NCCRP1: variants seen among roughly 807,000 people sequenced by gnomAD.
The protein encoded by NCCRP1 is NCCRP1, F-box associated domain containing, also known as F-box only protein 50.
A neutral mutation model predicts 34.4 loss-of-function variants in NCCRP1; 32 were observed. That is an observed-to-expected ratio of 0.93 (90% CI 0.70 to 1.25). NCCRP1 has a LOEUF of 1.25. Among genes scored for constraint, NCCRP1 ranks in the 50% most tolerant of loss-of-function variants. NCCRP1 has a pLI of 0.00. For missense variants in NCCRP1, 372 were observed against 391.8 expected, an observed-to-expected ratio of 0.95 and a Z score of 0.43; for synonymous variants, 172 against 180.1, an observed-to-expected ratio of 0.95 and a Z score of 0.36.
chr19:39,198,698 A>G (rs1471542310), intron 3 of NCCRP1, among the ~76,000 whole-genome samples: 4 of 152,148 alleles, frequency 2.6e-5, no homozygotes, highest in African/African-American at 4.8e-5. Context: ...ACCTCAAGTG[A>G]TCTGCCTGCC....
chr19:39,197,228 G>T lies in NCCRP1; in HGVS notation c.246G>T (p.Gly82=). The T allele has an allele frequency of 6.8e-7, 1 of 1,461,900 alleles. No homozygotes were observed. The highest frequency in any genetic ancestry group is 1.4e-5 in the South Asian group (1 of 73,476). 90.6% of individuals were successfully genotyped at this position (1,461,900 alleles called of 1,614,324 possible). Reference sequence around the variant, plus strand: ...TGGAGGAGTGGGGGCCGCTGAGCGGGGGCCTGGAGCTGCCCCAGCGCCTCA... The same window carrying T: ...TGGAGGAGTGGGGGCCGCTGAGCGGTGGCCTGGAGCTGCCCCAGCGCCTCA... ...LLLEEWGPLS[G]GLELPQRLTW... is the part of the protein sequence containing the mutation. The change falls in exon 1 of 6, where the codon GGG becomes GGT. Residue 82 remains glycine, a synonymous_variant. Coordinates refer to ENST00000339852, the MANE Select transcript of NCCRP1 (RefSeq NM_001001414.2).
rs140484935 is a variant in NCCRP1 at position 39,200,359 on chromosome 19, C to T, written c.562C>T (p.Arg188Trp). 57 of 1,613,570 alleles carry T rather than the reference C, an allele frequency of 3.5e-5. 1 individual carries two copies. Among genetic ancestry groups the T allele is most frequent in the African/African-American group, 2.9e-4 (22 of 75,044 alleles). Residue 188 changes from arginine to tryptophan, a missense_variant, in exon 5 of 6, where the codon CGG becomes TGG. Physicochemically the swap from Arg to Trp is moderately radical, Grantham distance 101. Coordinates refer to ENST00000339852, the MANE Select transcript of NCCRP1 (RefSeq NM_001001414.2). This position sits in a 1 kb window ranked among gnomAD's most constrained non-coding sequence, Gnocchi z 5.8. ...CTCCGCCTGCAGGTTCGAGGACAGC[C>T]GGCTGGATGCGTGCGTCTATGAGCT... ...ITVMDWFEDS[R>W]LDACVYELHV...
intron 3 of NCCRP1, 34 bp downstream of exon 3, chr19:39,198,287 A>G: frequency 6.2e-7 from 1 of 1,609,180 alleles, no homozygotes; most frequent in Non-Finnish European, 8.5e-7. Flanking sequence ...CTTACACTCC[A>G]TTCCCTGCTC....
chr19:39,198,410 T>C (rs1423177634), intron 3 of NCCRP1, among the ~76,000 whole-genome samples, 157 bp downstream of exon 3: 3 of 152,162 alleles, frequency 2.0e-5, no homozygotes, highest in African/African-American at 4.8e-5. Context: ...ACACACAGCA[T>C]AGGGCCCGGC....
chr19:39,199,187 A>G lies in NCCRP1; in HGVS notation c.470A>G (p.Gln157Arg), dbSNP rs2074776099. ...TTTCACAGCTGGACAGTGAAGCAGC[A>G]GTGTGTGGACCTTCTGGCCGAGGGC... ...QQNQSWTVKQ[Q>R]CVDLLAEGLW... The change falls in exon 4 of 6, where the codon CAG becomes CGG. Residue 157 changes from glutamine to arginine, a missense_variant. By Grantham distance (43) the Gln-to-Arg change is conservative (BLOSUM62 1). Transcript: ENST00000339852. 2 of 1,614,038 alleles carry G rather than the reference A, an allele frequency of 1.2e-6. No homozygotes were observed. Among genetic ancestry groups the G allele is most frequent in the African/African-American group, 1.3e-5 (1 of 75,006 alleles).
chr19:39,199,070 G>T, intron 3 of NCCRP1, 100 bp from the exon 4 acceptor site: 2 of 1,124,546 alleles, frequency 1.8e-6, no homozygotes, highest in Admixed American at 3.5e-5. Context: ...CCCACGTGTG[G>T]GGACCCAAGC....
rs2074766646 is a variant in NCCRP1 at position 39,197,296 on chromosome 19, T to C, written c.314T>C (p.Leu105Pro). Residue 105 changes from leucine (L) to proline (P), a missense_variant, in exon 1 of 6, where the codon CTG (leucine) becomes CCG (proline). Physicochemically the swap from Leu to Pro is moderately conservative, Grantham distance 98. Coordinates refer to ENST00000339852, the MANE Select transcript of NCCRP1 (RefSeq NM_001001414.2). ...LLLRRPLYRN[L>P]LRSPNPEGIN... The stretch of plus-strand genomic sequence containing the variant: ...TTGCGGCGGCCGCTCTACCGCAACC[T>C]GCTGCGCTCGCCCAACCCCGAAGGT... 6.7e-7 allele frequency: 1 copy of C among 1,482,050 alleles called. No homozygotes were observed. 91.8% of individuals were successfully genotyped at this position (1,482,050 alleles called of 1,614,324 possible).
chr19:39,198,316 GACC>G, intron 3 of NCCRP1, 63 bp downstream of exon 3: 1 of 1,569,732 alleles, frequency 6.4e-7, no homozygotes, highest in Non-Finnish European at 8.8e-7. Context: ...CTCACTGTGA[GACC>G]TGGAGAAACT....
intron 2 of NCCRP1, 38 bp from the exon 3 acceptor site, chr19:39,198,164 C>T (rs377572992): frequency 2.2e-5 from 36 of 1,613,954 alleles, no homozygotes; most frequent in South Asian, 2.2e-4. Context: ...GGTCCTCCAG[C>T]GTTGGGGTGT....
At chr19:39,199,509 C>CTTT (rs150534648) in intron 4 of NCCRP1, among the ~76,000 whole-genome samples, 311 of 67,816 alleles carry the variant, frequency 4.6e-3, no homozygotes, top group South Asian at 5.2e-3. Flanking sequence ...TTTTTTCTTT[C>CTTT]TTTTTTTTTT....
intron 3 of NCCRP1, among the ~76,000 whole-genome samples, chr19:39,198,587 G>A (rs1488103816): frequency 6.6e-6 from 1 of 152,080 alleles, no homozygotes; most frequent in Non-Finnish European, 1.5e-5. Context: ...AGCCTCCTGA[G>A]TAGCTAGGAT....
chr19:39,199,246 GC>G lies in NCCRP1; in HGVS notation c.531del (p.Ile178LeufsTer87), dbSNP rs1420555816. 6.2e-7 allele frequency: 1 copy of G among 1,613,948 alleles called. No individual in the cohort carries two copies. Among genetic ancestry groups the G allele is most frequent in the Admixed American group, 1.7e-5 (1 of 59,994 alleles). ...GGAGCTGCTGGATGACGAACAACCA[GC>G]CATTACGGTCATGGACTGGTGCGTG... ...WEELLDDEQP[A>X]ITVMDWFEDS... is the part of the protein sequence containing the mutation. On this transcript the variant is annotated frameshift_variant, in exon 4 of 6. Transcript: ENST00000339852. LOFTEE classifies it high-confidence loss of function.
At position 39,197,355 on chromosome 19, in the gene NCCRP1, C is replaced by G. The variant is rs756659809; in HGVS notation, c.337+36C>G. The stretch of plus-strand genomic sequence containing the variant: ...GCCCAGAGCAGCCAGGAGGCACCAC[C>G]CTGACCGTCTGTCTCTTCCTCTTTC... On this transcript the variant is annotated intron_variant, in intron 1 of 5. Transcript: ENST00000339852. The G allele has an allele frequency of 3.6e-6, 5 of 1,384,354 alleles. No homozygotes were observed. The South Asian group carries it at 8.0e-5, about 22-fold the overall frequency. The allele number at this position is 1,384,354 out of a possible 1,614,324, so 85.8% of individuals were successfully genotyped here.
In NCCRP1 at chr19:39,200,656, T is replaced by TTA; in HGVS notation, c.730_731dup (p.His245SerfsTer21). 6.2e-7 allele frequency: 1 copy of TTA among 1,614,080 alleles called. No homozygotes were observed. The highest frequency in any genetic ancestry group is 8.5e-7 in the Non-Finnish European group (1 of 1,180,010). On this transcript the variant is annotated frameshift_variant, in exon 6 of 6. Coordinates refer to ENST00000339852, the MANE Select transcript of NCCRP1 (RefSeq NM_001001414.2). LOFTEE classifies it high-confidence loss of function. This position sits in a 1 kb window ranked among gnomAD's most constrained non-coding sequence, Gnocchi z 5.8. Reference sequence around the variant, plus strand: ...CGCCATTATGGTCCCGGTGTGCGCTTTATCCACTTCCTGCACAAGGCCAAG... The same window carrying TTA: ...CGCCATTATGGTCCCGGTGTGCGCTTTATATCCACTTCCTGCACAAGGCCAAG...
chr19:39,199,047 G>T, intron 3 of NCCRP1, 123 bp from the exon 4 acceptor site: 1 of 797,440 alleles, frequency 1.3e-6, no homozygotes. Flanking sequence ...AGTGGAAGGT[G>T]CTGAGGGAGC....
Position 39,198,253 on chromosome 19 carries a change from G to A in NCCRP1, c.452G>A (p.Ser151Asn). The change falls in exon 3 of 6, where the codon AGC becomes AAC. Residue 151 changes from serine to asparagine, a missense_variant and splice_region_variant. Transcript: ENST00000339852. Reference sequence around the variant, plus strand: ...ACTGAAAAGCTCCAGCAGAACCAAAGGTGAGTCGCCAGGGCCAGTGTGGCT... The same window carrying A: ...ACTGAAAAGCTCCAGCAGAACCAAAAGTGAGTCGCCAGGGCCAGTGTGGCT... Reference protein sequence around the residue: ...IRTEKLQQNQSWTVKQQCVDL... With the variant: ...IRTEKLQQNQNWTVKQQCVDL... 6.2e-7 allele frequency: 1 copy of A among 1,614,102 alleles called. No individual in the cohort carries two copies. Among genetic ancestry groups the A allele is most frequent in the Non-Finnish European group, 8.5e-7 (1 of 1,180,020 alleles).
rs200152362 is a variant in NCCRP1 at position 39,200,732 on chromosome 19, C to T, written c.804C>T (p.Ser268=). Residue 268 remains serine (S), a synonymous_variant, in exon 6 of 6, where the codon TCC becomes TCT. Coordinates refer to ENST00000339852, the MANE Select transcript of NCCRP1 (RefSeq NM_001001414.2). This position sits in a 1 kb window ranked among gnomAD's most constrained non-coding sequence, Gnocchi z 5.8. ...GGCGGACACGGGTGACCGACTCCTC[C>T]GTGTCTGTGCAGCTCCGGGAGTGAC... is the stretch of plus-strand genomic sequence containing the variant. ...GLRRTRVTDS[S]VSVQLRE The T allele has an allele frequency of 1.7e-5, 27 of 1,612,884 alleles. No individual in the cohort carries two copies. The highest frequency in any genetic ancestry group is 4.5e-5 in the East Asian group (2 of 44,878).
At position 39,200,339 on chromosome 19, in the gene NCCRP1, C is replaced by T; in HGVS notation, c.549-7C>T. On this transcript the variant is annotated splice_polypyrimidine_tract_variant and splice_region_variant and intron_variant, in intron 4 of 5. Coordinates refer to ENST00000339852, the MANE Select transcript of NCCRP1 (RefSeq NM_001001414.2). The surrounding 1 kb of genome is among the most constrained non-coding windows in gnomAD (Gnocchi z 5.8). ...GTGACAGCTGAAGGCCTTGACTCCG[C>T]CTGCAGGTTCGAGGACAGCCGGCTG... 6.2e-7 allele frequency: 1 copy of T among 1,612,938 alleles called. No individual in the cohort carries two copies. Among genetic ancestry groups the T allele is most frequent in the Non-Finnish European group, 8.5e-7 (1 of 1,179,854 alleles).
chr19:39,198,093 C>T lies in NCCRP1; in HGVS notation c.378C>T (p.Thr126=), dbSNP rs900690407. ...AGCCAGCACCCCCTACTGGTCCCACCCAGCGACCCCTGGAAACTCTGGGTA... is the reference window on the plus strand; with the variant it reads ...AGCCAGCACCCCCTACTGGTCCCACTCAGCGACCCCTGGAAACTCTGGGTA... The part of the protein sequence containing the change: ...IYEPAPPTGP[T]QRPLETLGNF... The change falls in exon 2 of 6, where the codon ACC becomes ACT. Residue 126 remains threonine (T), a synonymous_variant. Transcript: ENST00000339852. The T allele has an allele frequency of 6.2e-7, 1 of 1,614,138 alleles. No individual in the cohort carries two copies. Among genetic ancestry groups the T allele is most frequent in the Admixed American group, 1.7e-5 (1 of 60,014 alleles).
Sources: allele counts gnomAD v4.1 joint callset (sites outside exome capture counted in the v4.1 genomes callset), GRCh38; gene constraint gnomAD v4.1.1; non-coding constraint Gnocchi (gnomAD v3.1); transcripts MANE v1.5; gene names NCBI Gene and HGNC (gene_info 2026-07-23, HGNC 2026-07-21).